Variants in SUPT3H observed in about 807,000 individuals in gnomAD.
SUPT3H encodes transcription initiation protein SPT3 homolog.
Under a neutral mutation model 44.3 loss-of-function variants are expected in SUPT3H, and 44 were observed. That is an observed-to-expected ratio of 0.99 (90% CI 0.78 to 1.28). SUPT3H has a LOEUF of 1.28. Among genes scored for constraint, SUPT3H ranks in the 50% most tolerant of loss-of-function variants. SUPT3H has a pLI of 0.00. For synonymous variants in SUPT3H, 124 were observed against 125.6 expected (o/e 0.99, Z 0.09); for missense variants, 380 against 387.1 (o/e 0.98, Z 0.15).
At chr6:44,922,263 C>T (rs878999570) in intron 10 of SUPT3H, among the ~76,000 whole-genome samples, 5 of 152,226 alleles carry the variant, frequency 3.3e-5, no homozygotes, top group East Asian at 1.9e-4. Context: ...ATTTTTTTCC[C>T]GCACATTTTA....
intron 6 of SUPT3H, among the ~76,000 whole-genome samples, chr6:44,985,176 CAAATAAAT>C (rs770281591): frequency 1.1e-3 from 143 of 126,314 alleles, no homozygotes; most frequent in African/African-American, 4.1e-3. Context: ...TCATCTCTAC[CAAATAAAT>C]AAATAAATAA....
At chr6:44,822,780 T>C (rs1292067733), downstream of SUPT3H, among the ~76,000 whole-genome samples, 1 of 152,190 alleles carries the variant, frequency 6.6e-6, no homozygotes, top group African/African-American at 2.4e-5. Context: ...TTGATGAGAT[T>C]AAACAAAGAT....
intron 10 of SUPT3H, among the ~76,000 whole-genome samples, chr6:44,839,389 C>T (rs905879821): frequency 1.7e-4 from 26 of 152,084 alleles, no homozygotes; most frequent in Admixed American, 1.6e-3. Context: ...CAATGAAGCC[C>T]CAATCTCCCA....
At chr6:45,102,743 C>T (rs949385719) in intron 3 of SUPT3H, among the ~76,000 whole-genome samples, 1 of 152,096 alleles carries the variant, frequency 6.6e-6, no homozygotes, top group East Asian at 1.9e-4. Flanking sequence ...GTGTTCGAGG[C>T]CAGCCTGGCC....
At chr6:45,133,450 C>A (rs1803792261) in intron 2 of SUPT3H, among the ~76,000 whole-genome samples, 2 of 152,062 alleles carry the variant, frequency 1.3e-5, no homozygotes, top group Admixed American at 6.6e-5. Context: ...TGAAAATAAA[C>A]CATACCAGAT....
At chr6:45,218,153 A>T (rs1265406467) in intron 2 of SUPT3H, among the ~76,000 whole-genome samples, 1 of 152,166 alleles carries the variant, frequency 6.6e-6, no homozygotes, top group Non-Finnish European at 1.5e-5. Context: ...TGAAAGCAAA[A>T]GAGTGAAAAA....
chr6:45,192,770 C>T (rs1337607627), intron 2 of SUPT3H, among the ~76,000 whole-genome samples: 1 of 151,990 alleles, frequency 6.6e-6, no homozygotes, highest in Admixed American at 6.6e-5. Flanking sequence ...CTCATCACAC[C>T]ACACTAAAGC....
chr6:44,881,628 A>T (rs1227746744), intron 10 of SUPT3H, among the ~76,000 whole-genome samples: 1 of 152,210 alleles, frequency 6.6e-6, no homozygotes, highest in African/African-American at 2.4e-5. Flanking sequence ...AATTGATCAC[A>T]TTATTGGAAG....
chr6:45,376,950 T>C (rs1022484650), intron 1 of SUPT3H, among the ~76,000 whole-genome samples: 16 of 152,228 alleles, frequency 1.1e-4, no homozygotes, highest in African/African-American at 3.6e-4. Flanking sequence ...TTAACATTTC[T>C]ATTAGCCTCT....
chr6:45,267,088 T>G (rs1584580224), intron 2 of SUPT3H, among the ~76,000 whole-genome samples: 1 of 152,290 alleles, frequency 6.6e-6, no homozygotes, highest in East Asian at 1.9e-4. Flanking sequence ...CCTCAAGGTA[T>G]CTCATTATAT....
At chr6:45,195,463 A>C (rs1329695496) in intron 2 of SUPT3H, among the ~76,000 whole-genome samples, 6 of 152,288 alleles carry the variant, frequency 3.9e-5, no homozygotes, top group Non-Finnish European at 7.4e-5. Flanking sequence ...TATGAATATT[A>C]TCATTTTTCA....
At chr6:45,199,982 C>G (rs1762223785) in intron 2 of SUPT3H, among the ~76,000 whole-genome samples, 1 of 151,336 alleles carries the variant, frequency 6.6e-6, no homozygotes, top group Non-Finnish European at 1.5e-5. Context: ...AATCTAGCTT[C>G]CGTCCATATA....
In SUPT3H at chr6:45,312,694, G is replaced by A. The variant is rs1410992003; in HGVS notation, c.101+52507C>T. Reference sequence around the variant, plus strand: ...CAACACAATAATGTGGGGGGGGGGGGGGACTTCAATACTCCACTGACAGCA... The same window carrying A: ...CAACACAATAATGTGGGGGGGGGGGAGGACTTCAATACTCCACTGACAGCA... On this transcript the variant is annotated intron_variant, in intron 2 of 10. Coordinates refer to ENST00000371459, the MANE Select transcript of SUPT3H (RefSeq NM_003599.4). 3.3e-4 allele frequency among the ~76,000 whole-genome samples: 41 copies of A among 125,840 alleles called. 1 individual carries two copies. The highest frequency in any genetic ancestry group is 3.1e-3 in the Admixed American group (39 of 12,460). 82.6% of individuals were successfully genotyped at this position (125,840 alleles called of 152,430 possible).
In SUPT3H at chr6:44,927,725, A is replaced by G. The variant is rs369415033; in HGVS notation, c.912+4928T>C. ...TTATTAATCCAAAGAGTAAAAATGAATATTTTCAGGAACAATAATTTTTAC... is the reference window on the plus strand; with the variant it reads ...TTATTAATCCAAAGAGTAAAAATGAGTATTTTCAGGAACAATAATTTTTAC... On this transcript the variant is annotated intron_variant, in intron 10 of 10. Transcript: ENST00000371459. 5.3e-5 allele frequency among the ~76,000 whole-genome samples: 8 copies of G among 152,368 alleles called. No individual in the cohort carries two copies. The South Asian group carries it at 1.2e-3, about 24-fold the overall frequency.
Position 45,101,130 on chromosome 6 carries a change from A to C in SUPT3H, c.186+4792T>G, listed in dbSNP as rs1798511272. ...ATCACATGTTCTCACTGATACATGAAAGGTAAAAAAGTTGGCCAGGCGCGG... is the reference window on the plus strand; with the variant it reads ...ATCACATGTTCTCACTGATACATGACAGGTAAAAAAGTTGGCCAGGCGCGG... On this transcript the variant is annotated intron_variant, in intron 3 of 10. Transcript: ENST00000371459. 2.0e-5 allele frequency among the ~76,000 whole-genome samples: 3 copies of C among 152,240 alleles called. No individual in the cohort carries two copies. In the South Asian group the frequency reaches 6.2e-4, roughly 31 times the overall value.
intron 2 of SUPT3H, among the ~76,000 whole-genome samples, chr6:45,119,564 T>C (rs35946050): frequency 0.014 from 2,109 of 152,270 alleles, 37 homozygotes; most frequent in Middle Eastern, 0.041. Flanking sequence ...ATTATATGTA[T>C]ATAGCTGCCT....
At chr6:45,299,842 T>A (rs1355283668) in intron 2 of SUPT3H, among the ~76,000 whole-genome samples, 2 of 145,328 alleles carry the variant, frequency 1.4e-5, no homozygotes, top group African/African-American at 5.3e-5. Context: ...TTAAAATTTT[T>A]ATCTATAGGA....
intron 2 of SUPT3H, among the ~76,000 whole-genome samples, chr6:45,347,045 T>C (rs934314560): frequency 2.6e-5 from 4 of 152,108 alleles, no homozygotes; most frequent in African/African-American, 9.7e-5. Context: ...AGAGAGGTGG[T>C]ACTTTATATA....
intron 2 of SUPT3H, among the ~76,000 whole-genome samples, chr6:45,234,751 T>A (rs1279360030): frequency 1.3e-5 from 2 of 152,140 alleles, no homozygotes; most frequent in Non-Finnish European, 2.9e-5. Context: ...AAACTATAGC[T>A]ATCAAGTTAC....
Sources: gnomAD v4.1 joint callset for allele counts (sites outside exome capture counted in the v4.1 genomes callset) on GRCh38, gnomAD v4.1.1 for gene constraint, MANE v1.5 for transcripts, NCBI Gene and HGNC (gene_info 2026-07-23, HGNC 2026-07-21) for gene names.